COX20: variants seen among roughly 807,000 people sequenced by gnomAD.
COX20 encodes cytochrome c oxidase assembly protein COX20, mitochondrial.
Under a neutral mutation model 14.3 loss-of-function variants are expected in COX20, and 14 were observed. That is an observed-to-expected ratio of 0.98 (90% CI 0.65 to 1.53). The LOEUF is 1.53. COX20 is among the 40% of genes most tolerant of loss of function. The pLI is 0.00. For synonymous variants in COX20, 56 were observed against 51.7 expected (o/e 1.08, Z -0.36); for missense variants, 149 against 142.1 (o/e 1.05, Z -0.25).
At chr1:244,837,222 C>G (rs1680019737) in intron 1 of COX20, among the ~76,000 whole-genome samples, 1 of 152,038 alleles carries the variant, frequency 6.6e-6, no homozygotes, top group African/African-American at 2.4e-5. Context: ...TCAAACCGAG[C>G]ACAGTCAGAG....
chr1:244,836,558 CTTA>C, intron 1 of COX20: 1 of 1,512,394 alleles, frequency 6.6e-7, no homozygotes, highest in South Asian at 1.2e-5. Flanking sequence ...TCCTGGGCTC[CTTA>C]TTAAGAGCAG....
intron 1 of COX20, among the ~76,000 whole-genome samples, chr1:244,838,672 A>G (rs1680076781): frequency 6.9e-6 from 1 of 145,518 alleles, no homozygotes; most frequent in Non-Finnish European, 1.5e-5. Flanking sequence ...GCCTCACTCA[A>G]GTGAGTTAAA....
In COX20 at chr1:244,842,195, GTAGAAT is replaced by G; in HGVS notation, c.164_169del (p.Ile55_Arg56del). On this transcript the variant is annotated inframe_deletion and splice_region_variant, in exon 3 of 4. Coordinates refer to ENST00000411948, the MANE Select transcript of COX20 (RefSeq NM_198076.6). ...TTAATTGTTATGCTTATTTTTACAG[GTAGAAT>G]TAGAAGATCATGTGATGTTGGAGTA... 2.5e-6 allele frequency: 4 copies of G among 1,598,946 alleles called. No individual in the cohort carries two copies. The highest frequency in any genetic ancestry group is 1.1e-5 in the South Asian group (1 of 90,704).
chr1:244,840,055 A>C (rs962230612), intron 1 of COX20: 3 of 152,216 alleles, frequency 2.0e-5, no homozygotes, highest in Non-Finnish European at 4.4e-5. Context: ...GGTTTGTTTC[A>C]GAAGGCACTA....
chr1:244,837,505 T>C (rs1412144929), intron 1 of COX20, among the ~76,000 whole-genome samples: 1 of 152,240 alleles, frequency 6.6e-6, no homozygotes, highest in Non-Finnish European at 1.5e-5. Flanking sequence ...CCCTAAAAAC[T>C]GTCCTCTGCC....
chr1:244,842,881 A>G, intron 3 of COX20, 160 bp from the exon 4 acceptor site: 3 of 531,826 alleles, frequency 5.6e-6, no homozygotes. Context: ...GTATTCTGAC[A>G]CCAAAACTGC....
In COX20 at chr1:244,842,193, A is replaced by C; in HGVS notation, c.158-2A>C. The C allele has an allele frequency of 6.3e-7, 1 of 1,584,840 alleles. No individual in the cohort carries two copies. Among genetic ancestry groups the C allele is most frequent in the Non-Finnish European group, 8.7e-7 (1 of 1,153,946 alleles). ...AATTAATTGTTATGCTTATTTTTAC[A>C]GGTAGAATTAGAAGATCATGTGATG... On this transcript the variant is annotated splice_acceptor_variant, in intron 2 of 3. Transcript: ENST00000411948. LOFTEE classifies it high-confidence loss of function.
At chr1:244,836,043 TTGC>T (rs1260678204) in intron 1 of COX20, among the ~76,000 whole-genome samples, 11 of 152,302 alleles carry the variant, frequency 7.2e-5, no homozygotes, top group East Asian at 3.9e-4. Flanking sequence ...CGAGAAAATT[TTGC>T]TGCTAAGGGC....
In COX20 at chr1:244,844,278, G is replaced by A. The variant is rs758480301; in HGVS notation, c.*1102G>A. The A allele has an allele frequency of 2.6e-5, 4 of 152,138 alleles. No homozygotes were observed. Among genetic ancestry groups the A allele is most frequent in the Non-Finnish European group, 4.4e-5 (3 of 68,034 alleles). 9.4% of individuals were successfully genotyped at this position (152,138 alleles called of 1,614,324 possible). On this transcript the variant is annotated 3_prime_UTR_variant, in exon 4 of 4. Coordinates refer to ENST00000411948, the MANE Select transcript of COX20 (RefSeq NM_198076.6). ...ATGCCCACCTTTTCTTGTGGCTGTC[G>A]CTAGGAAGGATGCAGAGGCTGTGTG...
upstream of COX20, chr1:244,835,615 G>A (rs540475119): frequency 1.6e-4 from 148 of 948,042 alleles, 1 homozygote; most frequent in African/African-American, 2.3e-3. Context: ...GGCGGGAGGC[G>A]GCGGCGCGTG....
intron 1 of COX20, chr1:244,839,610 C>T (rs1179444514): frequency 2.6e-5 from 4 of 152,114 alleles, no homozygotes; most frequent in African/African-American, 9.7e-5. Context: ...ATCCTTTATT[C>T]ATCTCCACTT....
At chr1:244,835,863 C>G in intron 1 of COX20, 107 bp downstream of exon 1, 1 of 787,614 alleles carries the variant, frequency 1.3e-6, no homozygotes, top group Non-Finnish European at 1.7e-6. Context: ...CTCTGCCACC[C>G]ATGGGCTTGA....
chr1:244,840,036 T>C (rs1187233898), intron 1 of COX20: 1 of 152,208 alleles, frequency 6.6e-6, no homozygotes, highest in Non-Finnish European at 1.5e-5. Context: ...AGAGTTTTGT[T>C]GGGGATTGGG....
At chr1:244,840,561 A>G (rs1335155973) in intron 1 of COX20, 1 of 152,302 alleles carries the variant, frequency 6.6e-6, no homozygotes. Context: ...ACTGTACTGC[A>G]AAGCTTTGAA....
At chr1:244,836,655 A>C in intron 1 of COX20, 1 of 706,426 alleles carries the variant, frequency 1.4e-6, no homozygotes, top group African/African-American at 1.8e-5. Flanking sequence ...TAAACTAGGG[A>C]GATCGTAACA....
Position 244,841,953 on chromosome 1 carries a change from C to G in COX20, c.52C>G (p.Leu18Val), listed in dbSNP as rs1680217152. 6.3e-7 allele frequency: 1 copy of G among 1,587,778 alleles called. No homozygotes were observed. Among genetic ancestry groups the G allele is most frequent in the African/African-American group, 1.3e-5 (1 of 74,102 alleles). Residue 18 changes from leucine (L) to valine (V), a missense_variant, in exon 2 of 4, where the codon CTC becomes GTC. Transcript: ENST00000411948. ...TTTTTTTTCATTCTAGTCCCTTAAG[C>G]TCCTAGGATTTTTAGATGTTGAAAA... ...GEPEERKSLK[L>V]LGFLDVENTP...
chr1:244,836,562 T>TTA, intron 1 of COX20: 1 of 1,513,550 alleles, frequency 6.6e-7, no homozygotes, highest in South Asian at 1.2e-5. Context: ...GGGCTCCTTA[T>TTA]TAAGAGCAGG....
intron 1 of COX20, chr1:244,841,415 GTTTATC>G (rs1409369309): frequency 6.5e-6 from 1 of 153,304 alleles, no homozygotes; most frequent in East Asian, 1.9e-4. Context: ...TATTGCCCAT[GTTTATC>G]TTAAGGTGAA....
rs890027192 is a variant in COX20, at chr1:244,841,864, T to A, written c.43-80T>A. 3 of 790,356 alleles carry A rather than the reference T, an allele frequency of 3.8e-6. No homozygotes were observed. The African/African-American group carries it at 5.2e-5, about 14-fold the overall frequency. 49.0% of individuals were successfully genotyped at this position (790,356 alleles called of 1,614,324 possible). On this transcript the variant is annotated intron_variant, in intron 1 of 3. Transcript: ENST00000411948. Reference sequence around the variant, plus strand: ...AAACCCTCAACTACAAGAAAAGAAATGGTGTATTGTCATTTTTGCCAAAGC... The same window carrying A: ...AAACCCTCAACTACAAGAAAAGAAAAGGTGTATTGTCATTTTTGCCAAAGC...
Sources: gnomAD v4.1 joint callset for allele counts (sites outside exome capture counted in the v4.1 genomes callset) on GRCh38, gnomAD v4.1.1 for gene constraint, MANE v1.5 for transcripts, NCBI Gene and HGNC (gene_info 2026-07-23, HGNC 2026-07-21) for gene names.